TENM4: variants seen among roughly 807,000 people sequenced by gnomAD.
TENM4 encodes teneurin-4.
TENM4 carries 82 observed loss-of-function variants against 243.3 expected under a neutral mutation model. That is an observed-to-expected ratio of 0.34 (90% CI 0.28 to 0.40). TENM4 has a LOEUF of 0.40. Among genes scored for constraint, TENM4 ranks in the 10% least tolerant of loss-of-function variants. TENM4 has a pLI of 1.00. For synonymous variants in TENM4, 1,412 were observed against 1,456.3 expected, an observed-to-expected ratio of 0.97 and a Z score of 0.69; for missense variants, 3,138 against 3,673.3, an observed-to-expected ratio of 0.85 and a Z score of 3.77.
intron 4 of TENM4, among the ~76,000 whole-genome samples, chr11:79,115,962 G>C (rs931134861): frequency 1.3e-5 from 2 of 152,196 alleles, no homozygotes; most frequent in Non-Finnish European, 2.9e-5. Flanking sequence ...GAATCTGGGG[G>C]AATTTTCTCT....
rs575642964 is a variant in TENM4, at chr11:78,719,249, C to T, written c.3821+1121G>A. Among the ~76,000 whole-genome samples, 38 of 152,212 alleles carry T rather than the reference C, an allele frequency of 2.5e-4. No homozygotes were observed. The South Asian group carries it at 7.1e-3, about 28-fold the overall frequency. On this transcript the variant is annotated intron_variant, in intron 25 of 33. Transcript: ENST00000278550. ...CACATAATTGGGGAGCTTCAGTTTTCTCATCTGTCTACTGATGTAATCATG... is the reference window on the plus strand; with the variant it reads ...CACATAATTGGGGAGCTTCAGTTTTTTCATCTGTCTACTGATGTAATCATG...
chr11:78,668,730 C>A (rs927778970), intron 32 of TENM4, among the ~76,000 whole-genome samples: 1 of 151,986 alleles, frequency 6.6e-6, no homozygotes, highest in African/African-American at 2.4e-5. Context: ...TGGTGGTGAC[C>A]CTGACAAATT....
At chr11:78,871,507 C>G (rs1859127500) in intron 9 of TENM4, among the ~76,000 whole-genome samples, 1 of 152,202 alleles carries the variant, frequency 6.6e-6, no homozygotes. Flanking sequence ...ACTCACCGCA[C>G]AGATGAAGAA....
At chr11:79,296,835 C>T (rs1003189929) in intron 2 of TENM4, among the ~76,000 whole-genome samples, 7 of 152,114 alleles carry the variant, frequency 4.6e-5, no homozygotes, top group African/African-American at 1.7e-4. Flanking sequence ...ACTGTATACC[C>T]CAAAGCAGAT....
intron 9 of TENM4, among the ~76,000 whole-genome samples, chr11:78,884,091 T>C (rs951018188): frequency 6.6e-6 from 1 of 152,254 alleles, no homozygotes; most frequent in Non-Finnish European, 1.5e-5. Context: ...AGGTACTTCT[T>C]GTAAATTATC....
At chr11:79,143,894 A>AT (rs1386948536) in intron 4 of TENM4, among the ~76,000 whole-genome samples, 2 of 151,966 alleles carry the variant, frequency 1.3e-5, no homozygotes, top group South Asian at 2.1e-4. Context: ...CTAGGCAAAG[A>AT]TTTTCCAAGT....
intron 3 of TENM4, among the ~76,000 whole-genome samples, chr11:79,186,975 G>T (rs1378070931): frequency 1.3e-5 from 2 of 152,062 alleles, no homozygotes; most frequent in East Asian, 3.9e-4. Flanking sequence ...TTATAGAAAA[G>T]GTTTTGTTAA....
At chr11:79,258,081 T>A (rs1375242141) in intron 2 of TENM4, among the ~76,000 whole-genome samples, 1 of 152,088 alleles carries the variant, frequency 6.6e-6, no homozygotes, top group Non-Finnish European at 1.5e-5. Flanking sequence ...CTTACATTAA[T>A]GGGGAGAGGA....
intron 9 of TENM4, among the ~76,000 whole-genome samples, chr11:78,869,088 C>T (rs1346832330): frequency 6.6e-6 from 1 of 151,942 alleles, no homozygotes; most frequent in Non-Finnish European, 1.5e-5. Context: ...TTAAAAGTTC[C>T]AAACCAAGAA....
chr11:79,335,757 A>G (rs1590888667), intron 1 of TENM4, among the ~76,000 whole-genome samples: 1 of 152,322 alleles, frequency 6.6e-6, no homozygotes, highest in South Asian at 2.1e-4. Flanking sequence ...AATGTTTTGC[A>G]CAAAGAGGAG....
At chr11:79,398,410 G>A (rs1400751868) in intron 1 of TENM4, among the ~76,000 whole-genome samples, 1 of 152,106 alleles carries the variant, frequency 6.6e-6, no homozygotes, top group African/African-American at 2.4e-5. Flanking sequence ...GAGCTGGGCT[G>A]TGGGCCACTG....
intron 2 of TENM4, among the ~76,000 whole-genome samples, chr11:79,248,126 G>A (rs952775603): frequency 2.6e-5 from 4 of 152,126 alleles, no homozygotes; most frequent in African/African-American, 7.2e-5. Flanking sequence ...GTCCCCATGT[G>A]TCCTCAGCTC....
At chr11:78,771,270 G>A (rs746067853) in intron 17 of TENM4, 132 bp from the exon 18 acceptor site, 5 of 1,156,418 alleles carry the variant, frequency 4.3e-6, no homozygotes, top group Non-Finnish European at 6.1e-6. Context: ...AGCAGCCCAG[G>A]GAGGTAGGTA....
Position 78,928,167 on chromosome 11 carries a change from C to T in TENM4, c.494-24644G>A, listed in dbSNP as rs377647131. Among the ~76,000 whole-genome samples, 28 of 152,330 alleles carry T rather than the reference C, an allele frequency of 1.8e-4. No homozygotes were observed. In the South Asian group the frequency reaches 5.8e-3, roughly 32 times the overall value. On this transcript the variant is annotated intron_variant, in intron 6 of 33. Transcript: ENST00000278550. ...TTCCCCGTCTCCTTACTCTGCAGCT[C>T]TTTAAACAGAGCAGCCCCTGGGGGT...
chr11:78,778,113 C>G (rs933573598), intron 17 of TENM4, among the ~76,000 whole-genome samples: 1 of 152,180 alleles, frequency 6.6e-6, no homozygotes, highest in East Asian at 1.9e-4. Context: ...GCCTAGTACA[C>G]AGTGGGTGCT....
At chr11:79,129,516 C>G (rs1307390143) in intron 4 of TENM4, among the ~76,000 whole-genome samples, 1 of 152,146 alleles carries the variant, frequency 6.6e-6, no homozygotes, top group Non-Finnish European at 1.5e-5. Flanking sequence ...TGGAAACAGA[C>G]TCGGTGCTGT....
intron 17 of TENM4, among the ~76,000 whole-genome samples, chr11:78,772,870 T>C (rs954808185): frequency 3.9e-5 from 6 of 152,208 alleles, no homozygotes; most frequent in Admixed American, 2.0e-4. Flanking sequence ...ATGTAGACTA[T>C]GGGTTTCTGT....
chr11:79,089,190 T>C (rs927152608), intron 4 of TENM4, among the ~76,000 whole-genome samples: 1 of 152,220 alleles, frequency 6.6e-6, no homozygotes, highest in African/African-American at 2.4e-5. Flanking sequence ...AGGGTTTTAA[T>C]TGGCTTAGAC....
chr11:79,381,630 T>G (rs1858006068), intron 1 of TENM4, among the ~76,000 whole-genome samples: 1 of 150,528 alleles, frequency 6.6e-6, no homozygotes, highest in Admixed American at 6.7e-5. Flanking sequence ...CAGTAAGCAT[T>G]GGGATATTTG....
Sources: gnomAD v4.1 joint callset for allele counts (sites outside exome capture counted in the v4.1 genomes callset) on GRCh38, gnomAD v4.1.1 for gene constraint, MANE v1.5 for transcripts, NCBI Gene and HGNC (gene_info 2026-07-23, HGNC 2026-07-21) for gene names.